The following TM9SF4 variants were observed in gnomAD, a reference collection of about 807,000 sequenced individuals.
TM9SF4 encodes dinucleotide oxidase disulfide thiol exchanger 3 superfamily member 4.
A neutral mutation model predicts 90.4 loss-of-function variants in TM9SF4; 26 were observed. That is an observed-to-expected ratio of 0.29 (90% CI 0.21 to 0.40). TM9SF4 has a LOEUF of 0.40. Ranked by LOEUF, TM9SF4 falls within the 10% of genes least tolerant of loss-of-function variation. The pLI is 1.00. For synonymous variants in TM9SF4, 293 were observed against 315.4 expected (o/e 0.93, Z 0.75); for missense variants, 549 against 834.8 (o/e 0.66, Z 4.22).
intron 1 of TM9SF4, among the ~76,000 whole-genome samples, chr20:32,126,986 G>T (rs568606244): frequency 6.6e-6 from 1 of 152,170 alleles, no homozygotes; most frequent in Non-Finnish European, 1.5e-5. Context: ...CGCCCGCCTC[G>T]GCCTGCCAAA....
Position 32,161,269 on chromosome 20 carries a change from T to G in TM9SF4, c.1690-7T>G. The G allele has an allele frequency of 6.2e-7, 1 of 1,613,420 alleles. No individual in the cohort carries two copies. Among genetic ancestry groups the G allele is most frequent in the Non-Finnish European group, 8.5e-7 (1 of 1,179,806 alleles). On this transcript the variant is annotated splice_polypyrimidine_tract_variant and splice_region_variant and intron_variant, in intron 16 of 17. Transcript: ENST00000398022. ...ACAACACTGACCTTCCTCTGTTTCC[T>G]CCTCAGGATTACCGCTGGTGGTGGA...
chr20:32,151,472 C>T (rs2046840175), intron 12 of TM9SF4, among the ~76,000 whole-genome samples: 1 of 152,038 alleles, frequency 6.6e-6, no homozygotes. Context: ...ACTAGGAAGA[C>T]TCTTGGGTGC....
intron 1 of TM9SF4, among the ~76,000 whole-genome samples, chr20:32,131,952 A>G (rs961629218): frequency 6.6e-6 from 1 of 152,202 alleles, no homozygotes; most frequent in Non-Finnish European, 1.5e-5. Context: ...ACGCAAATAA[A>G]CATATACATA....
chr20:32,154,945 T>C (rs1212611828), intron 12 of TM9SF4, among the ~76,000 whole-genome samples, 158 bp from the exon 13 acceptor site: 4 of 152,154 alleles, frequency 2.6e-5, no homozygotes, highest in South Asian at 2.1e-4. Flanking sequence ...AGAGTCCTGC[T>C]CAGTCTGAGG....
At chr20:32,124,876 C>G (rs1338212956) in intron 1 of TM9SF4, among the ~76,000 whole-genome samples, 1 of 152,166 alleles carries the variant, frequency 6.6e-6, no homozygotes, top group Non-Finnish European at 1.5e-5. Flanking sequence ...TGTGAGCCAC[C>G]GCACCCAGCC....
In TM9SF4 at chr20:32,141,779, C is replaced by A; in HGVS notation, c.412C>A (p.Leu138Met). 1 of 1,614,180 alleles carries A rather than the reference C, an allele frequency of 6.2e-7. No homozygotes were observed. Among genetic ancestry groups the A allele is most frequent in the East Asian group, 2.2e-5 (1 of 44,884 alleles). Residue 138 changes from leucine (L) to methionine (M), a missense_variant, in exon 5 of 18, where the codon CTG becomes ATG. Physicochemically the swap from Leu to Met is conservative, Grantham distance 15. Around this residue, in one of 2 missense-constraint regions of TM9SF4, gnomAD observed 495 missense variants for 711.7 expected, o/e 0.70. Transcript: ENST00000398022. The stretch of plus-strand genomic sequence containing the variant: ...TTCACTTTCCAGCATTGCTGACAAC[C>A]TGCCTGTGGCCACCCGGCTGGAGCT... ...DYYVHLIADN[L>M]PVATRLELYS...
intron 1 of TM9SF4, among the ~76,000 whole-genome samples, chr20:32,124,154 G>A (rs558601628): frequency 3.3e-5 from 5 of 152,048 alleles, no homozygotes; most frequent in Non-Finnish European, 7.4e-5. Flanking sequence ...CTCCATGCCT[G>A]GCCTGGGTAG....
At chr20:32,123,866 A>ATATATTTT in intron 1 of TM9SF4, among the ~76,000 whole-genome samples, 8 of 93,964 alleles carry the variant, frequency 8.5e-5, no homozygotes, top group Admixed American at 2.4e-4. Context: ...ATATATATAT[A>ATATATTTT]TTTTTTTTTT....
intron 1 of TM9SF4, among the ~76,000 whole-genome samples, chr20:32,127,478 T>A (rs1327718028): frequency 6.6e-6 from 1 of 152,048 alleles, no homozygotes; most frequent in Non-Finnish European, 1.5e-5. Context: ...CACAAATCAA[T>A]GTTTGTCAGT....
intron 12 of TM9SF4, among the ~76,000 whole-genome samples, chr20:32,152,335 AC>A (rs1317408853): frequency 6.7e-6 from 1 of 150,232 alleles, no homozygotes; most frequent in African/African-American, 2.5e-5. Flanking sequence ...CCTACATCAA[AC>A]CCAGTCTTTT....
At position 32,136,187 on chromosome 20, in the gene TM9SF4, C is replaced by T; in HGVS notation, c.229+14C>T. ...CAGAGAATCTGGGTAAGTTCTTCTC[C>T]CACACTGCTGTCAACTTGTCCCCAG... On this transcript the variant is annotated intron_variant, in intron 3 of 17. Transcript: ENST00000398022. 1 of 1,612,516 alleles carries T rather than the reference C, an allele frequency of 6.2e-7. No individual in the cohort carries two copies. The highest frequency in any genetic ancestry group is 8.5e-7 in the Non-Finnish European group (1 of 1,178,618).
chr20:32,146,641 T>G (rs1291984128), intron 8 of TM9SF4, 144 bp from the exon 9 acceptor site: 1 of 640,652 alleles, frequency 1.6e-6, no homozygotes, highest in Non-Finnish European at 2.6e-6. Context: ...GAAGAGGCCT[T>G]GAGGTGGCTG....
Position 32,109,843 on chromosome 20 carries a change from AG to A in TM9SF4, c.15+89del, listed in dbSNP as rs1410485379. 4.5e-6 allele frequency: 7 copies of A among 1,546,284 alleles called. No homozygotes were observed. The Admixed American group carries it at 5.9e-5, about 13-fold the overall frequency. On this transcript the variant is annotated intron_variant, in intron 1 of 17. Coordinates refer to ENST00000398022, the MANE Select transcript of TM9SF4 (RefSeq NM_014742.4). ...TTCCAGCACCCCATGCCTGGCCCTG[AG>A]CCACCTCCGGGACCCCTGACTCAGG...
At chr20:32,132,249 GA>G in intron 1 of TM9SF4, among the ~76,000 whole-genome samples, 1 of 152,076 alleles carries the variant, frequency 6.6e-6, no homozygotes, top group Non-Finnish European at 1.5e-5. Flanking sequence ...TCTAAAAATA[GA>G]AAAATTAGCC....
intron 17 of TM9SF4, among the ~76,000 whole-genome samples, chr20:32,163,268 A>ATATATATATAT (rs1262014914): frequency 4.0e-5 from 3 of 74,472 alleles, no homozygotes; most frequent in South Asian, 3.5e-4. Context: ...AAAAAAAAAA[A>ATATATATATAT]ATATATATAT....
chr20:32,141,173 T>C lies in TM9SF4; in HGVS notation c.230-324T>C, dbSNP rs186383712. Reference sequence around the variant, plus strand: ...CAGAGTTCACAGTGAGCTGAGATCGTGCCACTGCACTCCAGCCTGGGTGAC... The same window carrying C: ...CAGAGTTCACAGTGAGCTGAGATCGCGCCACTGCACTCCAGCCTGGGTGAC... On this transcript the variant is annotated intron_variant, in intron 3 of 17. Coordinates refer to ENST00000398022, the MANE Select transcript of TM9SF4 (RefSeq NM_014742.4). Among the ~76,000 whole-genome samples, 844 of 132,668 alleles carry C rather than the reference T, an allele frequency of 6.4e-3. 7 individuals carry two copies. The highest frequency in any genetic ancestry group is 9.1e-3 in the Non-Finnish European group (595 of 65,490). The allele number at this position is 132,668 out of a possible 152,430, so 87.0% of individuals were successfully genotyped here. A position where few individuals can be genotyped will look rare whatever the true frequency, so the allele number is the denominator to read the frequency against.
chr20:32,136,979 CA>C (rs1033584742), intron 3 of TM9SF4: 1 of 470,450 alleles, frequency 2.1e-6, no homozygotes, highest in Non-Finnish European at 4.4e-6. Context: ...CTCTAGCTGA[CA>C]AATTTATCTA....
intron 3 of TM9SF4, among the ~76,000 whole-genome samples, chr20:32,141,014 G>A (rs1230022772): frequency 6.6e-6 from 1 of 151,844 alleles, no homozygotes; most frequent in Non-Finnish European, 1.5e-5. Flanking sequence ...TCAGGATATC[G>A]AGACCATCCT....
At chr20:32,122,957 A>G (rs936791697) in intron 1 of TM9SF4, among the ~76,000 whole-genome samples, 1 of 151,772 alleles carries the variant, frequency 6.6e-6, no homozygotes, top group Non-Finnish European at 1.5e-5. Flanking sequence ...ACTCGCGGTT[A>G]GGAGCTGGAG....
Sources: gnomAD v4.1 joint callset for allele counts (sites outside exome capture counted in the v4.1 genomes callset) on GRCh38, gnomAD v4.1.1 for gene constraint, gnomAD v4.1.1 regional missense constraint, MANE v1.5 for transcripts, NCBI Gene and HGNC (gene_info 2026-07-23, HGNC 2026-07-21) for gene names.